Variants in FGF14 observed in about 807,000 individuals in gnomAD.
FGF14 encodes fibroblast growth factor 14.
Under a neutral mutation model 25.5 loss-of-function variants are expected in FGF14, and 5 were observed. The observed-to-expected ratio is 0.20, with a 90% CI of 0.10 to 0.41. The LOEUF (loss-of-function observed/expected upper bound fraction) is 0.41. Among genes scored for constraint, FGF14 ranks in the 10% least tolerant of loss-of-function variants. The probability of loss-of-function intolerance (pLI) is 1.00; values close to 1 mark genes in which losing one functional copy is unlikely to be tolerated. For missense variants in FGF14, 222 were observed against 320.1 expected, an observed-to-expected ratio of 0.69 and a Z score of 2.34; for synonymous variants, 138 against 118.3, an observed-to-expected ratio of 1.17 and a Z score of -1.08.
intron 1 of FGF14, among the ~76,000 whole-genome samples, chr13:102,271,114 TG>T (rs1363558869): frequency 6.6e-6 from 1 of 152,168 alleles, no homozygotes; most frequent in African/African-American, 2.4e-5. Context: ...TGTGAAGGAG[TG>T]ATTTAGTCAA....
intron 1 of FGF14, chr13:102,003,392 A>G (rs1410251423): frequency 6.6e-6 from 1 of 152,184 alleles, no homozygotes; most frequent in African/African-American, 2.4e-5. Flanking sequence ...CACTTGAGGG[A>G]CTGAAATAAA....
At chr13:101,742,907 C>G (rs1238147139) in intron 3 of FGF14, among the ~76,000 whole-genome samples, 3 of 152,128 alleles carry the variant, frequency 2.0e-5, no homozygotes, top group Non-Finnish European at 4.4e-5. Flanking sequence ...TTCCTCTGCC[C>G]CATTGTTCCA....
chr13:102,151,441 C>T (rs1170331767), intron 1 of FGF14, among the ~76,000 whole-genome samples: 2 of 152,174 alleles, frequency 1.3e-5, no homozygotes, highest in African/African-American at 4.8e-5. Context: ...AACGAGAGTA[C>T]TTAACATCTA....
intron 1 of FGF14, among the ~76,000 whole-genome samples, chr13:102,196,250 C>T (rs971238051): frequency 1.3e-5 from 2 of 152,106 alleles, no homozygotes; most frequent in Non-Finnish European, 2.9e-5. Context: ...CAAAGCTAAC[C>T]GTATCATATT....
intron 3 of FGF14, among the ~76,000 whole-genome samples, chr13:101,815,703 G>T (rs1284929134): frequency 6.6e-6 from 1 of 152,078 alleles, no homozygotes; most frequent in Non-Finnish European, 1.5e-5. Flanking sequence ...GCTGGAAGAG[G>T]ATGGTGTAGC....
At chr13:102,182,527 TTATTAA>T (rs767761257) in intron 1 of FGF14, among the ~76,000 whole-genome samples, 3 of 152,116 alleles carry the variant, frequency 2.0e-5, no homozygotes, top group Admixed American at 6.5e-5. Context: ...TTCCTTATTA[TTATTAA>T]TATTATTTTT....
At chr13:102,127,463 C>G (rs1195210138) in intron 1 of FGF14, among the ~76,000 whole-genome samples, 1 of 151,956 alleles carries the variant, frequency 6.6e-6, no homozygotes, top group Admixed American at 6.6e-5. Context: ...CTCAGTGCAC[C>G]CAAAGTCAAA....
At chr13:101,845,053 T>C (rs745450059) in intron 3 of FGF14, among the ~76,000 whole-genome samples, 2 of 152,018 alleles carry the variant, frequency 1.3e-5, no homozygotes, top group African/African-American at 2.4e-5. Context: ...TCCTACAAGA[T>C]ACAAATCACC....
chr13:102,228,342 A>G (rs2140982734), intron 1 of FGF14, among the ~76,000 whole-genome samples: 1 of 152,332 alleles, frequency 6.6e-6, no homozygotes, highest in African/African-American at 2.4e-5. Flanking sequence ...AACGAAACAA[A>G]CAGAACACTA....
chr13:101,815,480 T>C (rs1484145633), intron 3 of FGF14, among the ~76,000 whole-genome samples: 1 of 152,156 alleles, frequency 6.6e-6, no homozygotes, highest in African/African-American at 2.4e-5. Flanking sequence ...TACCAGGTAC[T>C]TCAGGCTGCC....
chr13:102,289,981 C>A lies in FGF14; in HGVS notation c.208+111490G>T, dbSNP rs1039749192. 3.3e-5 allele frequency among the ~76,000 whole-genome samples: 5 copies of A among 152,024 alleles called. No individual in the cohort carries two copies. The East Asian group carries it at 9.7e-4, about 29-fold the overall frequency. On this transcript the variant is annotated intron_variant, in intron 1 of 4. Transcript: ENST00000376131. ...AACGTGGTAGCCTGAGAGGGTTATT[C>A]TATTCTTAAAGGGTAATTCTTACTT...
chr13:102,345,325 G>C (rs940248703), intron 1 of FGF14, among the ~76,000 whole-genome samples: 4 of 152,168 alleles, frequency 2.6e-5, no homozygotes, highest in African/African-American at 9.7e-5. Context: ...TGTGTGGATA[G>C]CACCTATTTC....
chr13:101,796,774 A>G (rs1418120922), intron 3 of FGF14, among the ~76,000 whole-genome samples: 1 of 151,850 alleles, frequency 6.6e-6, no homozygotes, highest in African/African-American at 2.4e-5. Context: ...AGCCTCCAAA[A>G]CTGTGAAAAA....
chr13:102,378,997 T>C (rs1446302963), intron 1 of FGF14, among the ~76,000 whole-genome samples: 2 of 152,136 alleles, frequency 1.3e-5, no homozygotes, highest in African/African-American at 2.4e-5. Context: ...CTAGGAGTTG[T>C]ACCAAAAGCT....
intron 1 of FGF14, among the ~76,000 whole-genome samples, chr13:101,982,484 G>A (rs1435778623): frequency 2.0e-5 from 3 of 152,128 alleles, no homozygotes; most frequent in Non-Finnish European, 2.9e-5. Flanking sequence ...GAATAAAGGC[G>A]TGCACACTCT....
rs540476921 is a variant in FGF14 at position 101,769,489 on chromosome 13, C to T, written c.409-42679G>A. Reference sequence around the variant, plus strand: ...AAAATGCTAAAAACTTCTGTCTACACGAAAACCTGCATGCAAATATCTATG... The same window carrying T: ...AAAATGCTAAAAACTTCTGTCTACATGAAAACCTGCATGCAAATATCTATG... On this transcript the variant is annotated intron_variant, in intron 3 of 4. Transcript: ENST00000376143. Among the ~76,000 whole-genome samples, 162 of 152,240 alleles carry T rather than the reference C, an allele frequency of 1.1e-3. 1 individual carries two copies. Among genetic ancestry groups the T allele is most frequent in the African/African-American group, 3.7e-3 (155 of 41,572 alleles).
At position 101,842,500 on chromosome 13, in the gene FGF14, G is replaced by C. The variant is rs116529739; in HGVS notation, c.408+26225C>G. 2.4e-3 allele frequency among the ~76,000 whole-genome samples: 360 copies of C among 152,190 alleles called. 1 individual carries two copies. Among genetic ancestry groups the C allele is most frequent in the African/African-American group, 8.0e-3 (332 of 41,552 alleles). ...GTCAAATTCAGACCCAGAAAAGGAA[G>C]AGGATTGGTGAATACATGTGAGGAC... On this transcript the variant is annotated intron_variant, in intron 3 of 4. Transcript: ENST00000376143.
intron 1 of FGF14, among the ~76,000 whole-genome samples, chr13:101,894,984 C>A (rs1264863148): frequency 6.6e-6 from 1 of 152,120 alleles, no homozygotes; most frequent in South Asian, 2.1e-4. Context: ...TTAAGAATCA[C>A]ATAAAGAATA....
chr13:101,737,695 T>G (rs1462314989), intron 3 of FGF14, among the ~76,000 whole-genome samples: 1 of 152,164 alleles, frequency 6.6e-6, no homozygotes, highest in Non-Finnish European at 1.5e-5. Flanking sequence ...TTTCCTACCC[T>G]TAACTATTTG....
Sources: gnomAD v4.1 joint callset for allele counts (sites outside exome capture counted in the v4.1 genomes callset) on GRCh38, gnomAD v4.1.1 for gene constraint, MANE v1.5 for transcripts, NCBI Gene and HGNC (gene_info 2026-07-23, HGNC 2026-07-21) for gene names.